Variants in DOCK2 observed in about 807,000 individuals in gnomAD.
The protein encoded by DOCK2 is dedicator of cytokinesis 2, also known as dedicator of cytokinesis protein 2.
A neutral mutation model predicts 248.9 loss-of-function variants in DOCK2; 87 were observed. The observed-to-expected ratio is 0.35, with a 90% CI of 0.29 to 0.42. The LOEUF is 0.42. Among genes scored for constraint, DOCK2 ranks in the 10% least tolerant of loss-of-function variants. DOCK2 has a pLI of 1.00. For synonymous variants in DOCK2, 805 were observed against 821.6 expected (o/e 0.98, Z 0.35); for missense variants, 1,747 against 2,300.2 (o/e 0.76, Z 4.92).
At chr5:170,005,388 G>T (rs1754989464) in intron 30 of DOCK2, among the ~76,000 whole-genome samples, 1 of 152,200 alleles carries the variant, frequency 6.6e-6, no homozygotes, top group Non-Finnish European at 1.5e-5. Context: ...GGGATACAAT[G>T]AAATGCAAGA....
At chr5:169,720,897 A>C (rs1320963673) in intron 22 of DOCK2, among the ~76,000 whole-genome samples, 1 of 151,808 alleles carries the variant, frequency 6.6e-6, no homozygotes, top group African/African-American at 2.4e-5. Flanking sequence ...CACCCAGCTA[A>C]TTTTTTAGTA....
intron 19 of DOCK2, among the ~76,000 whole-genome samples, chr5:169,715,469 C>T (rs1761845112): frequency 6.6e-6 from 1 of 152,142 alleles, no homozygotes; most frequent in African/African-American, 2.4e-5. Flanking sequence ...GACCCATCTA[C>T]CTCGTTCAGC....
At chr5:169,902,522 C>G (rs902615800) in intron 27 of DOCK2, among the ~76,000 whole-genome samples, 2 of 152,132 alleles carry the variant, frequency 1.3e-5, no homozygotes, top group African/African-American at 4.8e-5. Context: ...AGAGTGGTTT[C>G]TGGAAGGGAC....
chr5:169,715,496 C>T (rs1369298849), intron 19 of DOCK2, among the ~76,000 whole-genome samples: 1 of 152,138 alleles, frequency 6.6e-6, no homozygotes, highest in Middle Eastern at 3.2e-3. Context: ...AGAGTAACTC[C>T]CCAAGACACC....
At position 169,800,944 on chromosome 5, in the gene DOCK2, C is replaced by CTTTTTTTTTTTTTTT; in HGVS notation, c.2555-2099_2555-2085dup. 8.6e-4 allele frequency among the ~76,000 whole-genome samples: 46 copies of CTTTTTTTTTTTTTTT among 53,182 alleles called. 1 individual carries two copies. Among genetic ancestry groups the CTTTTTTTTTTTTTTT allele is most frequent in the East Asian group, 3.9e-3 (6 of 1,534 alleles). 34.9% of individuals were successfully genotyped at this position (53,182 alleles called of 152,430 possible). On this transcript the variant is annotated intron_variant, in intron 25 of 51. Coordinates refer to ENST00000520908, the MANE Select transcript of DOCK2 (RefSeq NM_004946.3). Reference sequence around the variant, plus strand: ...TTTTTCTTTTTTCTTTTCTTTCTTTCTTTTTTTTTTTTTTTTTTTTTTTTT... The same window carrying CTTTTTTTTTTTTTTT: ...TTTTTCTTTTTTCTTTTCTTTCTTTCTTTTTTTTTTTTTTTTTTTTTTTTTTTTTTTTTTTTTTTT...
chr5:169,670,973 A>G lies in DOCK2; in HGVS notation c.225-105A>G. The G allele has an allele frequency of 4.7e-6, 4 of 860,074 alleles. No homozygotes were observed. The South Asian group carries it at 4.8e-5, about 10-fold the overall frequency. The allele number at this position is 860,074 out of a possible 1,614,324, so 53.3% of individuals were successfully genotyped here. ...ATTGGAGGTGTTTTAGTCTAATGTC[A>G]GGAAGGCCCCTCCGCAGCTGCAGCT... On this transcript the variant is annotated intron_variant, in intron 4 of 51. Transcript: ENST00000520908.
At chr5:169,968,186 C>A (rs1291592241) in intron 27 of DOCK2, among the ~76,000 whole-genome samples, 1 of 152,200 alleles carries the variant, frequency 6.6e-6, no homozygotes, top group East Asian at 1.9e-4. Context: ...GACAGCTTGA[C>A]CCCAATCATG....
In DOCK2 at chr5:169,893,238, G is replaced by GGCT. The variant is rs148410878; in HGVS notation, c.2799+52406_2799+52408dup. 1.3e-3 allele frequency among the ~76,000 whole-genome samples: 195 copies of GGCT among 151,986 alleles called. 1 individual carries two copies. Among genetic ancestry groups the GGCT allele is most frequent in the South Asian group, 4.0e-3 (19 of 4,810 alleles). Reference sequence around the variant, plus strand: ...ATTCACCCCTCTAGCCAGAGGCATTGGCTGCTGCTGCTGCTGCTGCTGAAT... The same window carrying GGCT: ...ATTCACCCCTCTAGCCAGAGGCATTGGCTGCTGCTGCTGCTGCTGCTGCTGAAT... On this transcript the variant is annotated intron_variant, in intron 27 of 51. Transcript: ENST00000520908.
At chr5:169,812,486 C>A (rs1396010679) in intron 26 of DOCK2, among the ~76,000 whole-genome samples, 3 of 152,206 alleles carry the variant, frequency 2.0e-5, no homozygotes, top group Non-Finnish European at 4.4e-5. Context: ...ATGTAATGCA[C>A]TTGAATTATC....
rs766828194 is a variant in DOCK2, at chr5:169,803,045, G to C, written c.2555-13G>C. On this transcript the variant is annotated splice_polypyrimidine_tract_variant and intron_variant, in intron 25 of 51. Transcript: ENST00000520908. ...GAGGAATTCTACACTACTCTGAACT[G>C]TCTTTATTCCAGAATGCCGGGACAT... 6.2e-7 allele frequency: 1 copy of C among 1,613,944 alleles called. No homozygotes were observed. Among genetic ancestry groups the C allele is most frequent in the African/African-American group, 1.3e-5 (1 of 74,926 alleles).
chr5:169,678,242 A>C (rs530000760), intron 6 of DOCK2, among the ~76,000 whole-genome samples: 1 of 152,188 alleles, frequency 6.6e-6, no homozygotes, highest in Non-Finnish European at 1.5e-5. Flanking sequence ...AGTTTTTCTC[A>C]AGGTTACATC....
intron 26 of DOCK2, among the ~76,000 whole-genome samples, chr5:169,830,990 A>G (rs1447000538): frequency 6.6e-6 from 1 of 152,188 alleles, no homozygotes; most frequent in Non-Finnish European, 1.5e-5. Context: ...TCCCCTGTGG[A>G]CATGATTCTT....
At chr5:170,079,969 G>C in intron 49 of DOCK2, 194 bp from the exon 50 acceptor site, 1 of 789,598 alleles carries the variant, frequency 1.3e-6, no homozygotes, top group Non-Finnish European at 1.9e-6. Flanking sequence ...GCCTGTAGTT[G>C]TGTAGTGTGC....
chr5:169,811,986 G>T (rs575713174), intron 26 of DOCK2, among the ~76,000 whole-genome samples: 1 of 152,176 alleles, frequency 6.6e-6, no homozygotes, highest in Non-Finnish European at 1.5e-5. Flanking sequence ...CTGGGGCTAC[G>T]GCTGTGAGCA....
intron 39 of DOCK2, among the ~76,000 whole-genome samples, chr5:170,046,552 T>G (rs548301199): frequency 1.4e-4 from 21 of 152,308 alleles, no homozygotes; most frequent in Admixed American, 1.2e-3. Flanking sequence ...GCCAGCGACT[T>G]ACAGAGTCAG....
rs567717244 is a variant in DOCK2, at chr5:169,752,584, A to T, written c.2376+5080A>T. Among the ~76,000 whole-genome samples the T allele has an allele frequency of 2.0e-4, 21 of 105,502 alleles. No individual in the cohort carries two copies. In the East Asian group the frequency reaches 6.5e-3, roughly 33 times the overall value. 69.2% of individuals were successfully genotyped at this position (105,502 alleles called of 152,430 possible). On this transcript the variant is annotated intron_variant, in intron 23 of 51. Transcript: ENST00000520908. ...TGAGACCCTGTCTCGACAAAAAATT[A>T]AAAAAAAAAAAATTAGCTAGGCATG...
intron 32 of DOCK2, 28 bp downstream of exon 32, chr5:170,008,774 C>T (rs2113810340): frequency 4.3e-6 from 7 of 1,613,618 alleles, no homozygotes; most frequent in East Asian, 2.2e-5. Context: ...TCCAGATACT[C>T]ACATCTGCAG....
chr5:169,647,768 T>G (rs1757552448), intron 1 of DOCK2, among the ~76,000 whole-genome samples: 1 of 152,144 alleles, frequency 6.6e-6, no homozygotes, highest in Non-Finnish European at 1.5e-5. Flanking sequence ...CCCTCCAGTC[T>G]CACTTCCTTA....
At chr5:170,047,290 A>G (rs561152834) in intron 39 of DOCK2, among the ~76,000 whole-genome samples, 11 of 152,336 alleles carry the variant, frequency 7.2e-5, no homozygotes, top group Non-Finnish European at 1.6e-4. Context: ...GGGTGATTCA[A>G]GTAACCACAC....
Sources: allele counts gnomAD v4.1 joint callset (sites outside exome capture counted in the v4.1 genomes callset), GRCh38; gene constraint gnomAD v4.1.1; transcripts MANE v1.5; gene names NCBI Gene and HGNC (gene_info 2026-07-23, HGNC 2026-07-21).